Variants in RSRC1 observed in about 807,000 individuals in gnomAD.
RSRC1 encodes arginine and serine rich coiled-coil 1, also known as serine/Arginine-related protein 53.
RSRC1 carries 39 observed loss-of-function variants against 49.1 expected under a neutral mutation model. The observed-to-expected ratio is 0.79, with a 90% confidence interval of 0.61 to 1.04. The LOEUF (loss-of-function observed/expected upper bound fraction) is 1.04. Among genes scored for constraint, RSRC1 ranks in the 50% least tolerant of loss-of-function variants. RSRC1 has a pLI of 0.00. For synonymous variants in RSRC1, 143 were observed against 130.8 expected, an observed-to-expected ratio of 1.09 and a Z score of -0.63; for missense variants, 388 against 402.4, an observed-to-expected ratio of 0.96 and a Z score of 0.31.
intron 3 of RSRC1, among the ~76,000 whole-genome samples, chr3:158,192,983 T>G: frequency 2.0e-5 from 3 of 152,210 alleles, no homozygotes; most frequent in Middle Eastern, 6.8e-3. Flanking sequence ...GGGAAACATA[T>G]TTCATATGCT....
intron 6 of RSRC1, among the ~76,000 whole-genome samples, chr3:158,364,400 AT>A (rs1731644828): frequency 6.6e-6 from 1 of 152,138 alleles, no homozygotes; most frequent in South Asian, 2.1e-4. Flanking sequence ...TTTTTATTTC[AT>A]ATAAATAGTT....
At chr3:158,308,453 T>C (rs1367581461) in intron 5 of RSRC1, among the ~76,000 whole-genome samples, 1 of 151,998 alleles carries the variant, frequency 6.6e-6, no homozygotes, top group Non-Finnish European at 1.5e-5. Flanking sequence ...TGCTACATTT[T>C]GATCTCTCTA....
chr3:158,535,128 A>G (rs1457317866), intron 7 of RSRC1, among the ~76,000 whole-genome samples: 2 of 151,532 alleles, frequency 1.3e-5, no homozygotes, highest in Non-Finnish European at 3.0e-5. Context: ...TATCAAATTG[A>G]TAGCATAATT....
chr3:158,126,416 C>G (rs1190677249), intron 3 of RSRC1, among the ~76,000 whole-genome samples: 4 of 152,034 alleles, frequency 2.6e-5, no homozygotes, highest in Non-Finnish European at 5.9e-5. Context: ...ATGAGGCTTA[C>G]ACAAAACATT....
intron 4 of RSRC1, among the ~76,000 whole-genome samples, chr3:158,277,049 C>A (rs762412714): frequency 3.9e-5 from 6 of 151,982 alleles, no homozygotes; most frequent in Non-Finnish European, 1.5e-5. Flanking sequence ...GGCTAAGAGG[C>A]AAAATTGAAG....
chr3:158,449,817 C>T (rs1348822960), intron 6 of RSRC1, among the ~76,000 whole-genome samples: 1 of 151,884 alleles, frequency 6.6e-6, no homozygotes, highest in African/African-American at 2.4e-5. Flanking sequence ...TTCTCCCTGG[C>T]AGTAGATGGC....
chr3:158,283,322 A>T (rs1726288313), intron 4 of RSRC1, among the ~76,000 whole-genome samples: 1 of 151,736 alleles, frequency 6.6e-6, no homozygotes, highest in African/African-American at 2.4e-5. Context: ...TGGACTAATA[A>T]TTTTTTTTCA....
At chr3:158,518,148 AT>A (rs72132266) in intron 7 of RSRC1, among the ~76,000 whole-genome samples, 78 of 44,124 alleles carry the variant, frequency 1.8e-3, no homozygotes, top group African/African-American at 2.0e-3. Context: ...ATATATATAT[AT>A]TTTTTTTTTT....
At chr3:158,266,034 A>G (rs751208335) in intron 4 of RSRC1, among the ~76,000 whole-genome samples, 12 of 152,096 alleles carry the variant, frequency 7.9e-5, no homozygotes, top group South Asian at 2.1e-4. Flanking sequence ...TGGTCTTTGC[A>G]TTCTGTTTTA....
intron 6 of RSRC1, among the ~76,000 whole-genome samples, chr3:158,380,442 C>T (rs1488663183): frequency 1.3e-5 from 2 of 152,128 alleles, no homozygotes; most frequent in African/African-American, 4.8e-5. Context: ...AGCCACTGCA[C>T]TCCAGCCTGG....
chr3:158,273,524 C>A (rs936757968), intron 4 of RSRC1, among the ~76,000 whole-genome samples: 1 of 151,942 alleles, frequency 6.6e-6, no homozygotes, highest in Non-Finnish European at 1.5e-5. Context: ...TAAATTATCC[C>A]CCATTCTATC....
At chr3:158,219,391 T>C (rs1431839572) in intron 4 of RSRC1, among the ~76,000 whole-genome samples, 2 of 151,486 alleles carry the variant, frequency 1.3e-5, no homozygotes, top group Non-Finnish European at 3.0e-5. Flanking sequence ...TTACATACAG[T>C]ACAGAGTCTT....
At chr3:158,334,647 ATTTGTGTG>A (rs1453929745) in intron 5 of RSRC1, among the ~76,000 whole-genome samples, 1 of 52,790 alleles carries the variant, frequency 1.9e-5, no homozygotes, top group Non-Finnish European at 3.7e-5. Flanking sequence ...CACCCAGCTA[ATTTGTGTG>A]TGTGTGTGTG....
intron 6 of RSRC1, among the ~76,000 whole-genome samples, chr3:158,358,904 A>G (rs552799683): frequency 8.1e-4 from 93 of 115,396 alleles, no homozygotes; most frequent in East Asian, 7.4e-3. Context: ...GTATGTGTGT[A>G]TATATATATA....
At chr3:158,201,628 G>A (rs917965059) in intron 3 of RSRC1, among the ~76,000 whole-genome samples, 4 of 152,086 alleles carry the variant, frequency 2.6e-5, no homozygotes, top group Non-Finnish European at 5.9e-5. Flanking sequence ...GTTATTACCA[G>A]TGTGCTTTTA....
chr3:158,229,410 A>G (rs1324478651), intron 4 of RSRC1, among the ~76,000 whole-genome samples: 7 of 147,176 alleles, frequency 4.8e-5, no homozygotes, highest in Admixed American at 1.4e-4. Flanking sequence ...ATACACACGT[A>G]TATGTGTATG....
At chr3:158,202,580 A>ATATATATATATATG (rs1721119474) in intron 3 of RSRC1, among the ~76,000 whole-genome samples, 1 of 143,000 alleles carries the variant, frequency 7.0e-6, no homozygotes, top group East Asian at 2.1e-4. Context: ...ATATATATAT[A>ATATATATATATATG]TGTTTTATCA....
intron 3 of RSRC1, among the ~76,000 whole-genome samples, chr3:158,157,011 A>G (rs1165698763): frequency 1.3e-5 from 2 of 152,326 alleles, no homozygotes; most frequent in Non-Finnish European, 2.9e-5. Flanking sequence ...ATATCTGCAA[A>G]GGGCAATAAA....
chr3:158,405,114 T>G (rs1422246395), intron 6 of RSRC1, among the ~76,000 whole-genome samples: 1 of 152,046 alleles, frequency 6.6e-6, no homozygotes, highest in Non-Finnish European at 1.5e-5. Flanking sequence ...AATTAATTGC[T>G]GTATATACCT....
Sources: allele counts gnomAD v4.1 joint callset (sites outside exome capture counted in the v4.1 genomes callset), GRCh38; gene constraint gnomAD v4.1.1; transcripts MANE v1.5; gene names NCBI Gene and HGNC (gene_info 2026-07-23, HGNC 2026-07-21).